Variants in PCDHGA3 observed in about 807,000 individuals in gnomAD.
The protein encoded by PCDHGA3 is protocadherin gamma-A3.
Under a neutral mutation model 58.5 loss-of-function variants are expected in PCDHGA3, and 40 were observed. The observed-to-expected ratio is 0.68, with a 90% CI of 0.53 to 0.89. The LOEUF (loss-of-function observed/expected upper bound fraction) is 0.89. Ranked by LOEUF, PCDHGA3 falls within the 40% of genes least tolerant of loss-of-function variation. The pLI, the probability that PCDHGA3 is intolerant of heterozygous loss-of-function variation, is 0.00. For missense variants in PCDHGA3, 1,223 were observed against 1,195.9 expected (o/e 1.02, Z -0.33); for synonymous variants, 530 against 525.7 (o/e 1.01, Z -0.11).
chr5:141,370,886 C>A (rs1208326985), intron 1 of PCDHGA3: 1 of 1,614,034 alleles, frequency 6.2e-7, no homozygotes, highest in South Asian at 1.1e-5. Flanking sequence ...ATGTAGGTGT[C>A]AATTCGCTGC....
At position 141,405,389 on chromosome 5, in the gene PCDHGA3, T is replaced by C. The variant is rs577174600; in HGVS notation, c.2424+58932T>C. ...CCCTTTGGTTCCGGTGAGTTCATTT[T>C]TTTTCTTTCTTTCTTTTCTTTTTTT... On this transcript the variant is annotated intron_variant, in intron 1 of 3. Transcript: ENST00000253812. The C allele has an allele frequency of 2.5e-6, 4 of 1,600,534 alleles. No individual in the cohort carries two copies. The East Asian group carries it at 6.7e-5, about 27-fold the overall frequency.
In PCDHGA3 at chr5:141,491,807, G is replaced by A; in HGVS notation, c.2425-3000G>A. On this transcript the variant is annotated intron_variant, in intron 1 of 3. Transcript: ENST00000253812. The surrounding 1 kb of genome is among the most constrained non-coding windows in gnomAD (Gnocchi z 6.9). ...CATCCACTCCTCTCCGGCCGGCTTG[G>A]TCGCTGGCTGCGCTCCACCCGATTC... is the stretch of plus-strand genomic sequence containing the variant. 1 of 1,491,112 alleles carries A rather than the reference G, an allele frequency of 6.7e-7. No homozygotes were observed. The highest frequency in any genetic ancestry group is 1.4e-5 in the South Asian group (1 of 73,752). The allele number at this position is 1,491,112 out of a possible 1,614,324, so 92.4% of individuals were successfully genotyped here. A position where few individuals can be genotyped will look rare whatever the true frequency, so the allele number is the denominator to read the frequency against.
chr5:141,387,559 A>G, intron 1 of PCDHGA3: 1 of 421,914 alleles, frequency 2.4e-6, no homozygotes, highest in South Asian at 5.1e-5. Flanking sequence ...TCAGTTAGGC[A>G]CACAATTATA....
Position 141,384,300 on chromosome 5 carries a change from AG to A in PCDHGA3, c.2424+37847del, listed in dbSNP as rs751826409. The A allele has an allele frequency of 3.1e-6, 5 of 1,613,658 alleles. No homozygotes were observed. In the Admixed American group the frequency reaches 8.3e-5, roughly 27 times the overall value. On this transcript the variant is annotated intron_variant, in intron 1 of 3. Transcript: ENST00000253812. ...TCTACATCGCTGAGAACAACCCCAG[AG>A]GGGCCTCCATTTTCTTAGTGACTGC...
rs373867677 is a variant in PCDHGA3 at position 141,432,049 on chromosome 5, G to A, written c.2425-62758G>A. The A allele has an allele frequency of 2.0e-5, 32 of 1,614,150 alleles. No individual in the cohort carries two copies. In the African/African-American group the frequency reaches 4.1e-4, roughly 21 times the overall value. ...TGACCGCCACTGACCGGGGAACCCC[G>A]CCCCTATCCACGGAAACTCATATCT... On this transcript the variant is annotated intron_variant, in intron 1 of 3. Coordinates refer to ENST00000253812, the MANE Select transcript of PCDHGA3 (RefSeq NM_018916.4). The surrounding 1 kb of genome is among the most constrained non-coding windows in gnomAD (Gnocchi z 6.0).
rs769057975 is a variant in PCDHGA3 at position 141,345,323 on chromosome 5, G to T, written c.1290G>T (p.Pro430=). ...ISLRASDGGS[P]PLSTETHITL... is the part of the protein sequence containing the mutation. ...TGAGAGCCTCAGATGGGGGAAGCCC[G>T]CCACTGTCCACAGAAACTCACATCA... Residue 430 remains proline, a synonymous_variant, in exon 1 of 4, where the codon CCG becomes CCT. Coordinates refer to ENST00000253812, the MANE Select transcript of PCDHGA3 (RefSeq NM_018916.4). The T allele has an allele frequency of 1.1e-5, 18 of 1,613,784 alleles. No individual in the cohort carries two copies. In the Middle Eastern group the frequency reaches 6.6e-4, roughly 59 times the overall value.
intron 1 of PCDHGA3, among the ~76,000 whole-genome samples, chr5:141,470,694 ATAATTT>A (rs2099236876): frequency 6.6e-6 from 1 of 151,978 alleles, no homozygotes; most frequent in African/African-American, 2.4e-5. Context: ...GAAATTCTTA[ATAATTT>A]TTATTTTATT....
intron 1 of PCDHGA3, chr5:141,365,395 G>A (rs753717509): frequency 6.2e-7 from 1 of 1,613,860 alleles, no homozygotes; most frequent in Non-Finnish European, 8.5e-7. Flanking sequence ...TGACCAGTTC[G>A]ATCTCTGAAG....
chr5:141,439,176 T>C (rs1044289122), intron 1 of PCDHGA3, among the ~76,000 whole-genome samples: 3 of 146,068 alleles, frequency 2.1e-5, no homozygotes, highest in African/African-American at 7.8e-5. Context: ...CTGGGCGACA[T>C]AGTGAGACTC....
At chr5:141,357,307 G>A (rs764785344) in intron 1 of PCDHGA3, 6 of 1,614,042 alleles carry the variant, frequency 3.7e-6, no homozygotes, top group East Asian at 2.2e-5. Flanking sequence ...TGTCTCCTGC[G>A]TCTTCCTGGC....
intron 1 of PCDHGA3, among the ~76,000 whole-genome samples, chr5:141,466,704 T>C (rs1175063183): frequency 6.6e-6 from 1 of 152,202 alleles, no homozygotes; most frequent in Admixed American, 6.5e-5. Context: ...AAATTTGATG[T>C]CTGTTCTTGT....
Position 141,346,361 on chromosome 5 carries a change from G to A in PCDHGA3, c.2328G>A (p.Ala776=), listed in dbSNP as rs755956350. The change falls in exon 1 of 4, where the codon GCG becomes GCA. Residue 776 remains alanine (A), a synonymous_variant. Transcript: ENST00000253812. ...TGATTTTCCCCCAGCCCAACTATGC[G>A]GACACGCTCATCAGCCAGGAGAGCT... ...SHLIFPQPNY[A]DTLISQESCE... 4.3e-6 allele frequency: 7 copies of A among 1,614,106 alleles called. No homozygotes were observed. The highest frequency in any genetic ancestry group is 2.2e-5 in the East Asian group (1 of 44,896).
chr5:141,491,311 A>G lies in PCDHGA3; in HGVS notation c.2425-3496A>G. On this transcript the variant is annotated intron_variant, in intron 1 of 3. Transcript: ENST00000253812. This position sits in a 1 kb window ranked among gnomAD's most constrained non-coding sequence, Gnocchi z 6.9. The stretch of plus-strand genomic sequence containing the variant: ...ACACCCTCCTGAGCGTTCAGACCTT[A>G]CCCTTTACCTCATTGTGGCTCTAGC... 1 of 1,613,932 alleles carries G rather than the reference A, an allele frequency of 6.2e-7. No homozygotes were observed. Among genetic ancestry groups the G allele is most frequent in the Non-Finnish European group, 8.5e-7 (1 of 1,179,940 alleles).
chr5:141,461,639 C>T (rs1041604977), intron 1 of PCDHGA3, among the ~76,000 whole-genome samples: 12 of 152,088 alleles, frequency 7.9e-5, no homozygotes, highest in Non-Finnish European at 1.6e-4. Flanking sequence ...GCAATTTCTT[C>T]TTTGACCCAT....
rs530194567 is a variant in PCDHGA3, at chr5:141,417,884, C to G, written c.2424+71427C>G. On this transcript the variant is annotated intron_variant, in intron 1 of 3. Transcript: ENST00000253812. ...GATGGGAGGGAGCTGCGCGCAGAGG[C>G]GCCGGGCCGGCCCGCGGCAGGTACT... 2.1e-4 allele frequency: 327 copies of G among 1,561,600 alleles called. No individual in the cohort carries two copies. In the South Asian group the frequency reaches 3.4e-3, roughly 16 times the overall value.
intron 1 of PCDHGA3, among the ~76,000 whole-genome samples, chr5:141,380,036 A>G (rs956010393): frequency 3.3e-5 from 5 of 151,364 alleles, no homozygotes; most frequent in African/African-American, 1.2e-4. Flanking sequence ...AGTAGCTGGG[A>G]TTACAGGTGC....
intron 1 of PCDHGA3, chr5:141,407,918 C>T (rs890872713): frequency 1.1e-5 from 5 of 472,514 alleles, no homozygotes. Context: ...GGGCTGCTGT[C>T]CCGCACGGAG....
intron 1 of PCDHGA3, chr5:141,360,871 G>A: frequency 1.2e-6 from 2 of 1,614,042 alleles, no homozygotes; most frequent in Non-Finnish European, 1.7e-6. Flanking sequence ...CAGCCAGGAC[G>A]TGTACAGGGT....
At chr5:141,376,051 C>T in intron 1 of PCDHGA3, 1 of 1,613,344 alleles carries the variant, frequency 6.2e-7, no homozygotes, top group South Asian at 1.1e-5. Context: ...CTCTCTCCGC[C>T]ACTGTCACGC....
Sources: allele counts gnomAD v4.1 joint callset (sites outside exome capture counted in the v4.1 genomes callset), GRCh38; gene constraint gnomAD v4.1.1; non-coding constraint Gnocchi (gnomAD v3.1); transcripts MANE v1.5; gene names NCBI Gene and HGNC (gene_info 2026-07-23, HGNC 2026-07-21).